ARMH4: variants seen among roughly 807,000 people sequenced by gnomAD.
ARMH4 encodes the protein armadillo-like helical domain-containing protein 4.
A neutral mutation model predicts 61.9 loss-of-function variants in ARMH4; 49 were observed. That is an observed-to-expected ratio of 0.79 (90% CI 0.63 to 1.00). The LOEUF (loss-of-function observed/expected upper bound fraction) is 1.00, where lower values mean the gene tolerates loss of function less well. Ranked by LOEUF, ARMH4 falls within the 50% of genes least tolerant of loss-of-function variation. The pLI is 0.00. For synonymous variants in ARMH4, 368 were observed against 341.5 expected (o/e 1.08, Z -0.85); for missense variants, 934 against 930.0 (o/e 1.00, Z -0.06).
At chr14:58,136,819 G>A (rs898755461) in intron 2 of ARMH4, among the ~76,000 whole-genome samples, 4 of 151,992 alleles carry the variant, frequency 2.6e-5, no homozygotes, top group Non-Finnish European at 4.4e-5. Flanking sequence ...TAATATTCAC[G>A]GATGCAAAGG....
At chr14:58,080,790 G>C (rs781704640) in intron 5 of ARMH4, among the ~76,000 whole-genome samples, 48 of 152,018 alleles carry the variant, frequency 3.2e-4, no homozygotes, top group Non-Finnish European at 3.8e-4. Flanking sequence ...AAATAATAAA[G>C]AAATGTATAT....
At chr14:58,131,489 G>C in intron 4 of ARMH4, 23 bp downstream of exon 4, 1 of 1,592,764 alleles carries the variant, frequency 6.3e-7, no homozygotes, top group Non-Finnish European at 8.6e-7. Flanking sequence ...TCCTTGAAAA[G>C]ATCCCCTTCA....
intron 5 of ARMH4, among the ~76,000 whole-genome samples, chr14:58,043,809 T>C (rs1042537303): frequency 6.4e-4 from 97 of 152,226 alleles, no homozygotes; most frequent in Non-Finnish European, 1.0e-3. Flanking sequence ...TATACACCAA[T>C]AACAGACAGA....
At chr14:58,125,930 G>C (rs191701097) in intron 4 of ARMH4, among the ~76,000 whole-genome samples, 1 of 152,062 alleles carries the variant, frequency 6.6e-6, no homozygotes, top group East Asian at 1.9e-4. Context: ...GCTCACACCC[G>C]ACCAGTCAGA....
intron 2 of ARMH4, among the ~76,000 whole-genome samples, chr14:58,134,328 T>A (rs1887232943): frequency 6.6e-6 from 1 of 152,206 alleles, no homozygotes; most frequent in South Asian, 2.1e-4. Flanking sequence ...GGTATGACAT[T>A]ATCTGTCACA....
chr14:58,032,721 G>A (rs1883297270), intron 5 of ARMH4, among the ~76,000 whole-genome samples: 3 of 151,880 alleles, frequency 2.0e-5, no homozygotes, highest in African/African-American at 7.2e-5. Context: ...GAAGCAGGGT[G>A]AGGCATTGCC....
At chr14:58,040,868 G>A (rs1471040858) in intron 5 of ARMH4, among the ~76,000 whole-genome samples, 1 of 152,132 alleles carries the variant, frequency 6.6e-6, no homozygotes, top group African/African-American at 2.4e-5. Context: ...CATAGAAGAT[G>A]GTTTCTAAGG....
intron 5 of ARMH4, among the ~76,000 whole-genome samples, chr14:58,095,577 CAT>C (rs1885721139): frequency 6.6e-6 from 1 of 152,134 alleles, no homozygotes. Context: ...TTAAAGTAAT[CAT>C]TGCCCAATGC....
rs1887953348 is a variant in ARMH4, at chr14:58,152,115, A to AGCGGCGGCGCGGGCGCTCGGCATC, written c.-121_-98dup. ...TGAGCAGCGCGCGGAGGACAGAGGCAGCGGCGGCGCGGGCGCTCGGCATCC... is the reference window on the plus strand; with the variant it reads ...TGAGCAGCGCGCGGAGGACAGAGGCAGCGGCGGCGCGGGCGCTCGGCATCGCGGCGGCGCGGGCGCTCGGCATCC... On this transcript the variant is annotated 5_prime_UTR_variant, in exon 1 of 8. It adds an upstream start codon to the 5' untranslated region. Transcript: ENST00000267485. 13 of 159,428 alleles carry AGCGGCGGCGCGGGCGCTCGGCATC rather than the reference A, an allele frequency of 8.2e-5. No homozygotes were observed. The South Asian group carries it at 2.3e-3, about 28-fold the overall frequency. The allele number at this position is 159,428 out of a possible 1,614,324, so 9.9% of individuals were successfully genotyped here. A position where few individuals can be genotyped will look rare whatever the true frequency, so the allele number is the denominator to read the frequency against.
rs965739074 is a variant in ARMH4, at chr14:58,068,611, C to T, written c.2089+28113G>A. On this transcript the variant is annotated intron_variant, in intron 5 of 7. Transcript: ENST00000267485. ...GACAAGATACATTCAGCAAACTACA[C>T]TTGTTTCTCAGCCAGCAGACAAAAG... Among the ~76,000 whole-genome samples, 4 of 152,164 alleles carry T rather than the reference C, an allele frequency of 2.6e-5. No homozygotes were observed. In the East Asian group the frequency reaches 7.7e-4, roughly 29 times the overall value.
intron 5 of ARMH4, among the ~76,000 whole-genome samples, chr14:58,030,177 A>G (rs970779065): frequency 1.3e-5 from 2 of 152,178 alleles, no homozygotes; most frequent in African/African-American, 4.8e-5. Context: ...GGTGGGTGCC[A>G]TAGAGAGGGG....
At chr14:58,024,542 T>C (rs1183247631) in intron 5 of ARMH4, among the ~76,000 whole-genome samples, 1 of 152,202 alleles carries the variant, frequency 6.6e-6, no homozygotes, top group African/African-American at 2.4e-5. Flanking sequence ...TTCTATCTCT[T>C]ATCATTTGTG....
chr14:58,150,353 G>T (rs911040648), intron 1 of ARMH4, among the ~76,000 whole-genome samples: 11 of 152,168 alleles, frequency 7.2e-5, no homozygotes, highest in African/African-American at 2.7e-4. Context: ...CCCTATGTGA[G>T]AAGTTTTTTA....
At chr14:58,035,874 C>A (rs1355615017) in intron 5 of ARMH4, among the ~76,000 whole-genome samples, 33 of 141,142 alleles carry the variant, frequency 2.3e-4, no homozygotes, top group African/African-American at 8.1e-4. Flanking sequence ...TCTGAATAGA[C>A]CAATAACGGG....
intron 1 of ARMH4, chr14:58,141,422 A>G (rs1887546577): frequency 1.9e-6 from 1 of 538,084 alleles, no homozygotes; most frequent in Non-Finnish European, 3.7e-6. Flanking sequence ...TTTGCTGGGA[A>G]ACGGCTGGAG....
Position 58,034,332 on chromosome 14 carries a change from A to C in ARMH4, c.2090-22182T>G, listed in dbSNP as rs1231441586. On this transcript the variant is annotated intron_variant, in intron 5 of 7. Coordinates refer to ENST00000267485, the MANE Select transcript of ARMH4 (RefSeq NM_001001872.4). ...TTCATAAGTGAAGGAGAAATAAAAT[A>C]CTTTATAGACAAGCAAATGCTGAGA... is the stretch of plus-strand genomic sequence containing the variant. Among the ~76,000 whole-genome samples, 18 of 113,402 alleles carry C rather than the reference A, an allele frequency of 1.6e-4. 1 individual carries two copies. The East Asian group carries it at 3.5e-3, about 22-fold the overall frequency. 74.4% of individuals were successfully genotyped at this position (113,402 alleles called of 152,430 possible). A position where few individuals can be genotyped will look rare whatever the true frequency, so the allele number is the denominator to read the frequency against.
chr14:58,148,119 G>A (rs535237407), intron 1 of ARMH4, among the ~76,000 whole-genome samples: 76 of 151,956 alleles, frequency 5.0e-4, no homozygotes, highest in South Asian at 1.0e-3. Context: ...GCATGATCTC[G>A]GCTCACAACC....
intron 5 of ARMH4, among the ~76,000 whole-genome samples, chr14:58,039,102 T>C (rs912304633): frequency 8.5e-5 from 13 of 152,244 alleles, no homozygotes; most frequent in African/African-American, 2.9e-4. Context: ...GACTCATTCC[T>C]GTGGGACACA....
chr14:58,111,939 T>C (rs1443935518), intron 4 of ARMH4, among the ~76,000 whole-genome samples: 1 of 152,148 alleles, frequency 6.6e-6, no homozygotes, highest in Non-Finnish European at 1.5e-5. Context: ...GCAATCCTTC[T>C]GCCTTCGCCC....
Sources: allele counts gnomAD v4.1 joint callset (sites outside exome capture counted in the v4.1 genomes callset), GRCh38; gene constraint gnomAD v4.1.1; transcripts MANE v1.5; gene names NCBI Gene and HGNC (gene_info 2026-07-23, HGNC 2026-07-21).